The following GNG4 variants were observed in gnomAD, a reference collection of about 807,000 sequenced individuals.
The protein encoded by GNG4 is G protein subunit gamma 4.
Under a neutral mutation model 5.8 loss-of-function variants are expected in GNG4, and 4 were observed. That is an observed-to-expected ratio of 0.69 (90% CI 0.34 to 1.57). GNG4 has a LOEUF of 1.57. Ranked by LOEUF, GNG4 falls within the 40% of genes most tolerant of loss-of-function variation. GNG4 has a pLI of 0.06. For missense variants in GNG4, 96 were observed against 95.1 expected (o/e 1.01, Z -0.04); for synonymous variants, 29 against 32.9 (o/e 0.88, Z 0.41).
chr1:235,588,489 C>T (rs1309751529), intron 2 of GNG4, among the ~76,000 whole-genome samples: 2 of 152,226 alleles, frequency 1.3e-5, no homozygotes, highest in East Asian at 1.9e-4. Flanking sequence ...TCCCAAGAGC[C>T]GTCTGCTTCT....
intron 3 of GNG4, 115 bp from the exon 4 acceptor site, chr1:235,552,352 A>G: frequency 1.1e-6 from 1 of 908,796 alleles, no homozygotes; most frequent in South Asian, 1.5e-5. Context: ...TATTGTGTGC[A>G]CGGCCTACAA....
chr1:235,558,804 C>T (rs1686984196), intron 3 of GNG4, among the ~76,000 whole-genome samples: 1 of 152,186 alleles, frequency 6.6e-6, no homozygotes, highest in Non-Finnish European at 1.5e-5. Context: ...ATGCCTGGAG[C>T]ATCTCTGTGC....
At chr1:235,590,139 C>A (rs1237009975) in intron 2 of GNG4, among the ~76,000 whole-genome samples, 2 of 152,198 alleles carry the variant, frequency 1.3e-5, no homozygotes, top group Non-Finnish European at 2.9e-5. Flanking sequence ...TCCCTCCCTG[C>A]AATCTTCTGC....
chr1:235,575,837 A>G (rs1687469310), intron 3 of GNG4, among the ~76,000 whole-genome samples: 1 of 152,170 alleles, frequency 6.6e-6, no homozygotes, highest in Admixed American at 6.5e-5. Flanking sequence ...CGTGGAAGGC[A>G]GCGTGGAACC....
chr1:235,619,190 T>C (rs1688659574), intron 1 of GNG4, among the ~76,000 whole-genome samples: 2 of 94,396 alleles, frequency 2.1e-5, no homozygotes, highest in Admixed American at 1.3e-4. Flanking sequence ...CACACATATA[T>C]ATACACACAC....
At chr1:235,580,968 T>A (rs1687619456) in intron 3 of GNG4, among the ~76,000 whole-genome samples, 1 of 152,086 alleles carries the variant, frequency 6.6e-6, no homozygotes, top group South Asian at 2.1e-4. Flanking sequence ...GCTAGGCTAG[T>A]CTCGAACTCC....
intron 1 of GNG4, among the ~76,000 whole-genome samples, chr1:235,601,379 A>C (rs1261009989): frequency 5.3e-5 from 8 of 152,130 alleles, no homozygotes; most frequent in Admixed American, 5.2e-4. Context: ...TGCTGGAATC[A>C]CCATGCTGAT....
Position 235,648,428 on chromosome 1 carries a change from T to G in GNG4, c.-123+1234A>C, listed in dbSNP as rs1393001719. 6.6e-6 allele frequency among the ~76,000 whole-genome samples: 1 copy of G among 152,210 alleles called. No individual in the cohort carries two copies. The highest frequency in any genetic ancestry group is 1.5e-5 in the Non-Finnish European group (1 of 68,028). ...CTGTTTCTCCGGGCTGGAAAAGGCT[T>G]TCCATTTATCAACTTAGTTGTCCCC... On this transcript the variant is annotated intron_variant, in intron 1 of 3. Coordinates refer to ENST00000391854, the MANE Select transcript of GNG4 (RefSeq NM_001098722.2). The surrounding 1 kb of genome is among the most constrained non-coding windows in gnomAD (Gnocchi z 5.0).
At chr1:235,569,237 T>C (rs888291477) in intron 3 of GNG4, among the ~76,000 whole-genome samples, 1 of 152,036 alleles carries the variant, frequency 6.6e-6, no homozygotes, top group Non-Finnish European at 1.5e-5. Context: ...AGGCTGGGTG[T>C]GGGGGCTCAC....
At chr1:235,584,716 A>C (rs1007256574) in intron 2 of GNG4, among the ~76,000 whole-genome samples, 1 of 152,184 alleles carries the variant, frequency 6.6e-6, no homozygotes, top group African/African-American at 2.4e-5. Context: ...GTCTAATGAG[A>C]ATCTGCTTCA....
intron 3 of GNG4, among the ~76,000 whole-genome samples, chr1:235,575,157 T>A (rs898876845): frequency 1.3e-5 from 2 of 152,186 alleles, no homozygotes; most frequent in Non-Finnish European, 2.9e-5. Context: ...AGTATCTTTC[T>A]GCACTATCGC....
chr1:235,630,284 G>T (rs1264248541), intron 1 of GNG4, among the ~76,000 whole-genome samples: 1 of 152,108 alleles, frequency 6.6e-6, no homozygotes, highest in Admixed American at 6.6e-5. Flanking sequence ...TCTCTTGTGG[G>T]ACTATTTCAG....
intron 3 of GNG4, among the ~76,000 whole-genome samples, chr1:235,573,966 A>G (rs1687416601): frequency 6.6e-6 from 1 of 152,204 alleles, no homozygotes; most frequent in African/African-American, 2.4e-5. Flanking sequence ...TAAAAAAGCA[A>G]TAAGTGTACA....
chr1:235,619,234 T>C (rs868451313), intron 1 of GNG4, among the ~76,000 whole-genome samples: 4 of 145,512 alleles, frequency 2.7e-5, no homozygotes, highest in South Asian at 2.2e-4. Flanking sequence ...CATATATATA[T>C]ACACAAAAAT....
chr1:235,636,502 G>A (rs543151985), intron 1 of GNG4, among the ~76,000 whole-genome samples: 3 of 152,246 alleles, frequency 2.0e-5, no homozygotes, highest in African/African-American at 7.2e-5. Context: ...GGGGAGCAGT[G>A]CCTGCAGCAA....
At position 235,641,749 on chromosome 1, in the gene GNG4, C is replaced by A. The variant is rs192556120; in HGVS notation, c.-123+7913G>T. The stretch of plus-strand genomic sequence containing the variant: ...TCAACACTTTCACCTGTTGGCTCCA[C>A]GTGCATCAGATGAGCTCATTTGGGA... On this transcript the variant is annotated intron_variant, in intron 1 of 3. Transcript: ENST00000391854. Among the ~76,000 whole-genome samples the A allele has an allele frequency of 2.9e-3, 448 of 152,220 alleles. 2 individuals carry two copies. The highest frequency in any genetic ancestry group is 9.9e-3 in the African/African-American group (413 of 41,538).
chr1:235,610,185 T>C (rs1029464340), intron 1 of GNG4, among the ~76,000 whole-genome samples: 16 of 152,204 alleles, frequency 1.1e-4, no homozygotes, highest in African/African-American at 3.9e-4. Flanking sequence ...CTTTCCAAGA[T>C]AGCGGCCGTT....
Position 235,551,851 on chromosome 1 carries a change from C to T in GNG4, c.*258G>A, listed in dbSNP as rs1686758639. 3.5e-6 allele frequency: 1 copy of T among 285,994 alleles called. No homozygotes were observed. The highest frequency in any genetic ancestry group is 6.7e-6 in the Non-Finnish European group (1 of 149,484). 17.7% of individuals were successfully genotyped at this position (285,994 alleles called of 1,614,324 possible). A position where few individuals can be genotyped will look rare whatever the true frequency, so the allele number is the denominator to read the frequency against. On this transcript the variant is annotated 3_prime_UTR_variant, in exon 4 of 4. Coordinates refer to ENST00000391854, the MANE Select transcript of GNG4 (RefSeq NM_001098722.2). ...TTTTAAACTCTTAAGTCCAGACTTA[C>T]TTTTACATGGCACATTTGTTATTTG...
intron 1 of GNG4, among the ~76,000 whole-genome samples, chr1:235,634,895 T>C (rs975418889): frequency 2.0e-5 from 3 of 151,896 alleles, no homozygotes; most frequent in Non-Finnish European, 2.9e-5. Context: ...GATGGTGCCA[T>C]TGCACTCCAG....
Sources: gnomAD v4.1 joint callset for allele counts (sites outside exome capture counted in the v4.1 genomes callset) on GRCh38, gnomAD v4.1.1 for gene constraint, Gnocchi (gnomAD v3.1) non-coding constraint, MANE v1.5 for transcripts, NCBI Gene and HGNC (gene_info 2026-07-23, HGNC 2026-07-21) for gene names.